Variants in TRMT1 observed in about 807,000 individuals in gnomAD.
TRMT1 encodes tRNA methyltransferase 1, also known as tRNA (guanine(26)-N(2))-dimethyltransferase.
Under a neutral mutation model 75.4 loss-of-function variants are expected in TRMT1, and 63 were observed. The ratio of observed to expected loss-of-function variants is 0.84; its 90% CI spans 0.68 to 1.03. The LOEUF is 1.03. TRMT1 is among the 50% of genes least tolerant of loss of function. The probability of loss-of-function intolerance (pLI) is 0.00; values close to 1 mark genes in which losing one functional copy is unlikely to be tolerated. For missense variants in TRMT1, 870 were observed against 905.3 expected (o/e 0.96, Z 0.50); for synonymous variants, 382 against 358.1 (o/e 1.07, Z -0.75).
Position 13,115,415 on chromosome 19 carries a change from G to T in TRMT1, c.505C>A (p.Arg169=), listed in dbSNP as rs756246074. ...GLAASGLRSI[R]FALEVPGLRS... Reference sequence around the variant, plus strand: ...AGCCCAGGCACCTCTAGGGCAAATCGAATGGAACGTAGGCCTGAAGCTGCC... The same window carrying T: ...AGCCCAGGCACCTCTAGGGCAAATCTAATGGAACGTAGGCCTGAAGCTGCC... The change falls in exon 5 of 17, where the codon CGA becomes AGA. Residue 169 remains arginine, a synonymous_variant. Coordinates refer to ENST00000357720, the MANE Select transcript of TRMT1 (RefSeq NM_001136035.4). 1.9e-6 allele frequency: 3 copies of T among 1,613,956 alleles called. No homozygotes were observed. The highest frequency in any genetic ancestry group is 2.5e-6 in the Non-Finnish European group (3 of 1,180,034).
At position 13,104,955 on chromosome 19, in the gene TRMT1, C is replaced by T. The variant is rs2018778380; in HGVS notation, c.1960G>A (p.Ala654Thr). Residue 654 changes from alanine (A) to threonine (T), a missense_variant, in exon 17 of 17, where the codon GCT (alanine) becomes ACT (threonine). Transcript: ENST00000357720. ...TTGGTTCAGTCTATGCCTGGCCCAG[C>T]GGCAGCCCCAGGTCCAGGGGGGGTC... ...NQTPPGPGAA[A>T]GPGID 1.2e-6 allele frequency: 2 copies of T among 1,613,864 alleles called. No homozygotes were observed. The highest frequency in any genetic ancestry group is 1.7e-6 in the Non-Finnish European group (2 of 1,179,928).
intron 5 of TRMT1, among the ~76,000 whole-genome samples, chr19:13,114,331 G>A (rs960537846): frequency 4.6e-5 from 7 of 152,132 alleles, no homozygotes; most frequent in Non-Finnish European, 1.0e-4. Flanking sequence ...AGACTAGCCT[G>A]GCCAACATGG....
In TRMT1 at chr19:13,109,698, G is replaced by T; in HGVS notation, c.1177-14C>A. On this transcript the variant is annotated splice_polypyrimidine_tract_variant and intron_variant, in intron 10 of 16. Coordinates refer to ENST00000357720, the MANE Select transcript of TRMT1 (RefSeq NM_001136035.4). ...GGGGCCACCAAGCTGGGGGCGCACCGGGGACAGGTGAGCAGGGACTATGAC... is the reference window on the plus strand; with the variant it reads ...GGGGCCACCAAGCTGGGGGCGCACCTGGGACAGGTGAGCAGGGACTATGAC... 6.2e-7 allele frequency: 1 copy of T among 1,613,810 alleles called. No individual in the cohort carries two copies. The highest frequency in any genetic ancestry group is 1.1e-5 in the South Asian group (1 of 91,070).
In TRMT1 at chr19:13,105,211, G is replaced by T. The variant is rs1216360161; in HGVS notation, c.1833+56C>A. On this transcript the variant is annotated intron_variant, in intron 16 of 16. Coordinates refer to ENST00000357720, the MANE Select transcript of TRMT1 (RefSeq NM_001136035.4). Reference sequence around the variant, plus strand: ...CAGCTCCCCCAATTCTCTCCCTGTTGCCCAAAGGGGAGACTCATGTGTCCT... The same window carrying T: ...CAGCTCCCCCAATTCTCTCCCTGTTTCCCAAAGGGGAGACTCATGTGTCCT... The T allele has an allele frequency of 2.4e-5, 37 of 1,574,254 alleles. No homozygotes were observed. The South Asian group carries it at 2.7e-4, about 12-fold the overall frequency.
At chr19:13,108,844 A>T (rs2018998816) in intron 12 of TRMT1, among the ~76,000 whole-genome samples, 1 of 151,582 alleles carries the variant, frequency 6.6e-6, no homozygotes, top group South Asian at 2.1e-4. Flanking sequence ...TCCTGACCTC[A>T]AGTGATCTGC....
At chr19:13,110,419 CCACCCCTGA>C in intron 7 of TRMT1, 113 bp from the exon 8 acceptor site, 1 of 1,297,392 alleles carries the variant, frequency 7.7e-7, no homozygotes, top group South Asian at 1.5e-5. Flanking sequence ...GGATCCAAGC[CCACCCCTGA>C]AAGTCCTGGC....
Position 13,109,550 on chromosome 19 carries a change from C to T in TRMT1, c.1311G>A (p.Glu437=), listed in dbSNP as rs762917024. The T allele has an allele frequency of 5.6e-6, 9 of 1,614,026 alleles. No homozygotes were observed. In the South Asian group the frequency reaches 7.7e-5, roughly 14 times the overall value. ...RIRGVLSVIT[E]ELPDVPLYYT... The stretch of plus-strand genomic sequence containing the variant: ...TTCCCCGTCACAGCCCGGCTCTCAC[C>T]TCAGTGATGACGCTCAGGACCCCTC... The change falls in exon 11 of 17, where the codon GAG becomes GAA. Residue 437 remains glutamate, a splice_region_variant and synonymous_variant. Coordinates refer to ENST00000357720, the MANE Select transcript of TRMT1 (RefSeq NM_001136035.4).
chr19:13,107,985 CTTTTTTTTT>C (rs71168652), intron 12 of TRMT1, 126 bp from the exon 13 acceptor site: 471 of 332,252 alleles, frequency 1.4e-3, no homozygotes, highest in Admixed American at 4.1e-3. Flanking sequence ...CTTTTCTTTT[CTTTTTTTTT>C]TTTTTTTTTT....
rs1459704845 is a variant in TRMT1 at position 13,115,611 on chromosome 19, A to G, written c.453+15T>C. 6.2e-7 allele frequency: 1 copy of G among 1,613,354 alleles called. No individual in the cohort carries two copies. Among genetic ancestry groups the G allele is most frequent in the East Asian group, 2.2e-5 (1 of 44,876 alleles). Reference sequence around the variant, plus strand: ...CTAAATTCCAGGGCTGCCAGCTCCTATGCTCAGGCCCCACCTCACAGATCT... The same window carrying G: ...CTAAATTCCAGGGCTGCCAGCTCCTGTGCTCAGGCCCCACCTCACAGATCT... On this transcript the variant is annotated intron_variant, in intron 4 of 16. Transcript: ENST00000357720.
At position 13,110,172 on chromosome 19, in the gene TRMT1, G is replaced by A. The variant is rs1387759320; in HGVS notation, c.1005C>T (p.Val335=). 6.2e-7 allele frequency: 1 copy of A among 1,612,322 alleles called. No homozygotes were observed. The highest frequency in any genetic ancestry group is 1.7e-5 in the Admixed American group (1 of 60,030). The change falls in exon 8 of 17, where the codon GTC becomes GTT. Residue 335 remains valine, a synonymous_variant. Coordinates refer to ENST00000357720, the MANE Select transcript of TRMT1 (RefSeq NM_001136035.4). Reference sequence around the variant, plus strand: ...CCCGGGCTGACCTGGCTGAGGCCTTGACCTTGGCCTGGCCGGTGAAGACAC... The same window carrying A: ...CCCGGGCTGACCTGGCTGAGGCCTTAACCTTGGCCTGGCCGGTGAAGACAC... ...FVRVFTGQAK[V]KASASKQALV... is the part of the protein sequence containing the mutation.
chr19:13,105,424 C>T (rs1488948618), intron 15 of TRMT1, 28 bp from the exon 16 acceptor site: 1 of 1,613,578 alleles, frequency 6.2e-7, no homozygotes, highest in Non-Finnish European at 8.5e-7. Flanking sequence ...TAGGTGGGAC[C>T]CCATCTGCCC....
rs897550828 is a variant in TRMT1, at chr19:13,115,677, G to C, written c.402C>G (p.Asn134Lys). The C allele has an allele frequency of 3.1e-6, 5 of 1,613,888 alleles. No individual in the cohort carries two copies. Among genetic ancestry groups the C allele is most frequent in the Non-Finnish European group, 4.2e-6 (5 of 1,180,024 alleles). ...TGCGAGGTTGGTCTCCTGAGGCCAG[G>C]TTTTCACTCTCTTTCAGTTCAACCT... ...EEKVELKESE[N>K]LASGDQPRTA... Residue 134 changes from asparagine to lysine, a missense_variant, in exon 4 of 17, where the codon AAC becomes AAG. By Grantham distance (94) the Asn-to-Lys change is moderately conservative. Transcript: ENST00000357720.
Position 13,109,363 on chromosome 19 carries a change from G to A in TRMT1, c.1397+18C>T, listed in dbSNP as rs376353120. On this transcript the variant is annotated intron_variant, in intron 12 of 16. Coordinates refer to ENST00000357720, the MANE Select transcript of TRMT1 (RefSeq NM_001136035.4). ...CTGTGGTCTGGGACAGGCTCCTCCC[G>A]ACCCCAGGGGCTCTTACCGCAACTG... 10 of 1,611,830 alleles carry A rather than the reference G, an allele frequency of 6.2e-6. No homozygotes were observed. Among genetic ancestry groups the A allele is most frequent in the Admixed American group, 3.3e-5 (2 of 59,950 alleles).
chr19:13,110,135 C>T lies in TRMT1; in HGVS notation c.1019+23G>A, dbSNP rs200002538. 154 of 1,611,414 alleles carry T rather than the reference C, an allele frequency of 9.6e-5. 1 individual carries two copies. The South Asian group carries it at 1.6e-3, about 16-fold the overall frequency. On this transcript the variant is annotated intron_variant, in intron 8 of 16. Coordinates refer to ENST00000357720, the MANE Select transcript of TRMT1 (RefSeq NM_001136035.4). ...TCCTGTCTCCTCTCTCAATCCACCA[C>T]CGCTCTCTGCCCCCGGGCTGACCTG...
At chr19:13,110,100 C>T (rs2019078975) in intron 8 of TRMT1, 58 bp downstream of exon 8, 1 of 1,608,420 alleles carries the variant, frequency 6.2e-7, no homozygotes, top group Admixed American at 1.7e-5. Flanking sequence ...CCAGATCCCC[C>T]AGGGCAAGGT....
rs1445465573 is a variant in TRMT1, at chr19:13,107,991, T to TC, written c.1398-133_1398-132insG. On this transcript the variant is annotated intron_variant, in intron 12 of 16. Transcript: ENST00000357720. ...AGTTCATTTCTTTTCTTTTCTTTTTTTTTTTTTTTTTTTTTTTGAGATGGA... is the reference window on the plus strand; with the variant it reads ...AGTTCATTTCTTTTCTTTTCTTTTTTCTTTTTTTTTTTTTTTTTGAGATGGA... The TC allele has an allele frequency of 7.3e-5, 38 of 521,824 alleles. No homozygotes were observed. In the African/African-American group the frequency reaches 9.7e-4, roughly 13 times the overall value. The allele number at this position is 521,824 out of a possible 1,614,324, so 32.3% of individuals were successfully genotyped here. A position where few individuals can be genotyped will look rare whatever the true frequency, so the allele number is the denominator to read the frequency against.
Position 13,105,407 on chromosome 19 carries a change from G to C in TRMT1, c.1704-11C>G. ...TCGGCCGCCTTGCCCCTGTGCGAGG[G>C]GAGGAGTAGGTGGGACCCCATCTGC... On this transcript the variant is annotated splice_polypyrimidine_tract_variant and intron_variant, in intron 15 of 16. Coordinates refer to ENST00000357720, the MANE Select transcript of TRMT1 (RefSeq NM_001136035.4). 1 of 1,613,626 alleles carries C rather than the reference G, an allele frequency of 6.2e-7. No homozygotes were observed. The highest frequency in any genetic ancestry group is 1.1e-5 in the South Asian group (1 of 91,062).
At chr19:13,115,862 C>T (rs1432173192) in intron 3 of TRMT1, 94 bp from the exon 4 acceptor site, 4 of 1,603,456 alleles carry the variant, frequency 2.5e-6, no homozygotes, top group Non-Finnish European at 2.6e-6. Flanking sequence ...GAAATCCCTG[C>T]GGAAAGGCTG....
At chr19:13,110,653 G>C (rs753761757) in intron 7 of TRMT1, among the ~76,000 whole-genome samples, 18 of 152,224 alleles carry the variant, frequency 1.2e-4, no homozygotes, top group Non-Finnish European at 2.5e-4. Context: ...CAGGAAGTGG[G>C]GATACTAGGT....
Sources: allele counts gnomAD v4.1 joint callset (sites outside exome capture counted in the v4.1 genomes callset), GRCh38; gene constraint gnomAD v4.1.1; transcripts MANE v1.5; gene names NCBI Gene and HGNC (gene_info 2026-07-23, HGNC 2026-07-21).